Variants in TMEM209 observed in about 807,000 individuals in gnomAD.
The protein encoded by TMEM209 is transmembrane protein 209.
TMEM209 carries 65 observed loss-of-function variants against 76.2 expected under a neutral mutation model. That is an observed-to-expected ratio of 0.85 (90% CI 0.70 to 1.05). The LOEUF (loss-of-function observed/expected upper bound fraction) is 1.05, where lower values mean the gene tolerates loss of function less well. Ranked by LOEUF, TMEM209 falls within the 50% of genes least tolerant of loss-of-function variation. The probability of loss-of-function intolerance (pLI) is 0.00; values close to 1 mark genes in which losing one functional copy is unlikely to be tolerated. For missense variants in TMEM209, 623 were observed against 685.5 expected (o/e 0.91, Z 1.02); for synonymous variants, 239 against 237.6 (o/e 1.01, Z -0.06).
chr7:130,189,339 G>A (rs2117007962), intron 6 of TMEM209, among the ~76,000 whole-genome samples: 1 of 152,210 alleles, frequency 6.6e-6, no homozygotes, highest in South Asian at 2.1e-4. Context: ...TGGGATACAG[G>A]CTCGCGTCAC....
chr7:130,172,824 C>A (rs1284164205), intron 13 of TMEM209, among the ~76,000 whole-genome samples: 3 of 151,404 alleles, frequency 2.0e-5, no homozygotes, highest in Non-Finnish European at 4.4e-5. Context: ...CATGGTGAAA[C>A]CCCATCTCTA....
chr7:130,200,242 C>T (rs769312014), intron 5 of TMEM209, among the ~76,000 whole-genome samples: 13 of 151,762 alleles, frequency 8.6e-5, no homozygotes, highest in African/African-American at 1.2e-4. Context: ...GAGTAAAGCA[C>T]GAGAACTTCC....
chr7:130,178,495 G>A lies in TMEM209; in HGVS notation c.1153C>T (p.Leu385=). ...GTCGGAATGAGAGGCGCTTTAACCA[G>A]GGCAGCTTGTTTCAAGCTAGTAATA... ...ASITSLKQAA[L]VKAPLIPTLN... Residue 385 remains leucine (L), a synonymous_variant, in exon 10 of 15, where the codon CTG becomes TTG. Transcript: ENST00000397622. The A allele has an allele frequency of 6.2e-7, 1 of 1,613,752 alleles. No homozygotes were observed. The highest frequency in any genetic ancestry group is 8.5e-7 in the Non-Finnish European group (1 of 1,179,790).
At chr7:130,192,327 C>A in intron 6 of TMEM209, 3 of 351,230 alleles carry the variant, frequency 8.5e-6, no homozygotes, top group Non-Finnish European at 1.6e-5. Flanking sequence ...GTTCACTACG[C>A]ACTGCTTCAA....
chr7:130,197,148 T>C (rs560986772), intron 5 of TMEM209, among the ~76,000 whole-genome samples: 1 of 152,268 alleles, frequency 6.6e-6, no homozygotes, highest in African/African-American at 2.4e-5. Flanking sequence ...TACCCAGAAC[T>C]GAAAGCAGGG....
chr7:130,168,337 A>C (rs1584661467), intron 14 of TMEM209, among the ~76,000 whole-genome samples: 1 of 152,322 alleles, frequency 6.6e-6, no homozygotes, highest in Admixed American at 6.5e-5. Context: ...GGAAATGCTC[A>C]CTGTAGCATT....
At chr7:130,198,777 G>A (rs1037950209) in intron 5 of TMEM209, among the ~76,000 whole-genome samples, 72 of 152,226 alleles carry the variant, frequency 4.7e-4, no homozygotes, top group African/African-American at 1.5e-3. Flanking sequence ...TTTTAGTGGT[G>A]TTTTTCAAAC....
chr7:130,181,945 CTTTT>C (rs926497011), intron 8 of TMEM209: 1 of 284,572 alleles, frequency 3.5e-6, no homozygotes, highest in African/African-American at 2.3e-5. Flanking sequence ...ACTTACATTC[CTTTT>C]TTTTTTTCGA....
At chr7:130,172,120 C>T (rs1244104184) in intron 13 of TMEM209, among the ~76,000 whole-genome samples, 4 of 152,018 alleles carry the variant, frequency 2.6e-5, no homozygotes, top group African/African-American at 7.2e-5. Context: ...GAATGTGATA[C>T]TAGCCTAAGC....
At chr7:130,176,518 T>C (rs542138017) in intron 10 of TMEM209, among the ~76,000 whole-genome samples, 1 of 152,288 alleles carries the variant, frequency 6.6e-6, no homozygotes, top group Admixed American at 6.5e-5. Context: ...TTTTTGGATG[T>C]ACAAATACCC....
chr7:130,183,674 G>A (rs540992191), intron 8 of TMEM209, among the ~76,000 whole-genome samples: 8 of 152,274 alleles, frequency 5.3e-5, no homozygotes, highest in East Asian at 3.9e-4. Context: ...GGAGGAAGAC[G>A]TGGAGTTGGA....
chr7:130,186,610 G>C (rs111838805), intron 6 of TMEM209, among the ~76,000 whole-genome samples: 11 of 152,098 alleles, frequency 7.2e-5, no homozygotes, highest in East Asian at 3.8e-4. Flanking sequence ...TTTAAGAAAC[G>C]TAAGTTTTCT....
chr7:130,201,313 T>C (rs1798191215), intron 5 of TMEM209, among the ~76,000 whole-genome samples: 1 of 152,052 alleles, frequency 6.6e-6, no homozygotes, highest in African/African-American at 2.4e-5. Context: ...GTCAATCCTG[T>C]TTCTATTAAT....
At chr7:130,179,580 T>A (rs1467244074) in intron 9 of TMEM209, among the ~76,000 whole-genome samples, 1 of 152,228 alleles carries the variant, frequency 6.6e-6, no homozygotes, top group African/African-American at 2.4e-5. Flanking sequence ...AATATCCAAC[T>A]GTACTAGCAA....
chr7:130,177,388 T>TTA (rs1797272853), intron 10 of TMEM209, among the ~76,000 whole-genome samples: 1 of 151,202 alleles, frequency 6.6e-6, no homozygotes, highest in East Asian at 1.9e-4. Flanking sequence ...ATTCTGGTTA[T>TTA]GTATGTTTGT....
At chr7:130,181,328 G>C (rs1233504941) in intron 9 of TMEM209, among the ~76,000 whole-genome samples, 1 of 152,226 alleles carries the variant, frequency 6.6e-6, no homozygotes, top group Non-Finnish European at 1.5e-5. Context: ...AACAGGGGGT[G>C]ACTGGTAAAA....
chr7:130,186,429 C>T (rs1486715647), intron 6 of TMEM209, among the ~76,000 whole-genome samples: 1 of 151,996 alleles, frequency 6.6e-6, no homozygotes, highest in Non-Finnish European at 1.5e-5. Context: ...AGAAACATCA[C>T]ACTGTATGAA....
chr7:130,202,736 T>C, intron 3 of TMEM209, 73 bp from the exon 4 acceptor site: 1 of 1,459,410 alleles, frequency 6.9e-7, no homozygotes, highest in Non-Finnish European at 9.1e-7. Flanking sequence ...AAACCCTCTA[T>C]ACTTAGCAAA....
At chr7:130,193,995 G>A (rs931292456) in intron 5 of TMEM209, among the ~76,000 whole-genome samples, 4 of 151,860 alleles carry the variant, frequency 2.6e-5, no homozygotes, top group African/African-American at 7.3e-5. Flanking sequence ...TCAGGAGATC[G>A]AGACCATCCT....
Sources: allele counts gnomAD v4.1 joint callset (sites outside exome capture counted in the v4.1 genomes callset), GRCh38; gene constraint gnomAD v4.1.1; transcripts MANE v1.5; gene names NCBI Gene and HGNC (gene_info 2026-07-23, HGNC 2026-07-21).